Variants in RBFOX1 observed in about 807,000 individuals in gnomAD.
The protein encoded by RBFOX1 is RNA binding protein fox-1 homolog 1.
In RBFOX1, 8 loss-of-function variants were observed where a neutral mutation model predicts 57.7. The ratio of observed to expected loss-of-function variants is 0.14; its 90% CI spans 0.08 to 0.25. The LOEUF is 0.25. Among genes scored for constraint, RBFOX1 ranks in the 10% least tolerant of loss-of-function variants. The probability of loss-of-function intolerance (pLI) is 1.00; values close to 1 mark genes in which losing one functional copy is unlikely to be tolerated. For missense variants in RBFOX1, 611 were observed against 548.5 expected (o/e 1.11, Z -1.14); for synonymous variants, 326 against 222.4 (o/e 1.47, Z -4.15).
At chr16:6,664,703 G>A (rs983277876) in intron 3 of RBFOX1, among the ~76,000 whole-genome samples, 5 of 152,200 alleles carry the variant, frequency 3.3e-5, no homozygotes, top group Admixed American at 1.3e-4. Context: ...CCCACAGATA[G>A]GCAGGGATGG....
In RBFOX1 at chr16:6,829,122, C is replaced by T. The variant is rs565766170; in HGVS notation, c.-16+174472C>T. Among the ~76,000 whole-genome samples the T allele has an allele frequency of 1.2e-3, 175 of 151,976 alleles. 3 individuals carry two copies. Among genetic ancestry groups the T allele is most frequent in the Non-Finnish European group, 2.0e-3 (137 of 67,984 alleles). ...CAAGCCCACTAGTATCAGTAGAGTCCCTATAGGTAATTGTCTAATAAGTGG... is the reference window on the plus strand; with the variant it reads ...CAAGCCCACTAGTATCAGTAGAGTCTCTATAGGTAATTGTCTAATAAGTGG... On this transcript the variant is annotated intron_variant, in intron 3 of 15. Coordinates refer to ENST00000550418, the MANE Select transcript of RBFOX1 (RefSeq NM_018723.4).
intron 2 of RBFOX1, among the ~76,000 whole-genome samples, chr16:6,407,864 G>T (rs1395076279): frequency 6.6e-6 from 1 of 152,146 alleles, no homozygotes; most frequent in African/African-American, 2.4e-5. Context: ...TTTGTGAGTA[G>T]ATCCCCACTA....
chr16:5,548,677 A>C (rs536126256), intron 2 of RBFOX1, among the ~76,000 whole-genome samples: 59 of 152,288 alleles, frequency 3.9e-4, no homozygotes, highest in Non-Finnish European at 7.8e-4. Flanking sequence ...AACTAAAAAA[A>C]TTTAAAAAGG....
chr16:7,325,417 G>A (rs1297772590), intron 4 of RBFOX1, among the ~76,000 whole-genome samples: 1 of 152,184 alleles, frequency 6.6e-6, no homozygotes, highest in African/African-American at 2.4e-5. Context: ...TATGGTGCTT[G>A]CAACAAGGGA....
intron 3 of RBFOX1, among the ~76,000 whole-genome samples, chr16:6,718,390 T>C (rs930659144): frequency 6.6e-6 from 1 of 152,088 alleles, no homozygotes; most frequent in African/African-American, 2.4e-5. Flanking sequence ...AGCTGAAAAA[T>C]ATAATTACAA....
chr16:7,685,489 C>G (rs765835729), intron 14 of RBFOX1, among the ~76,000 whole-genome samples: 6 of 152,094 alleles, frequency 3.9e-5, no homozygotes, highest in Non-Finnish European at 8.8e-5. Context: ...AAAGTTCCAT[C>G]TGATTTCACT....
At chr16:5,979,736 C>A (rs2060134867) in intron 4 of RBFOX1, among the ~76,000 whole-genome samples, 1 of 152,162 alleles carries the variant, frequency 6.6e-6, no homozygotes, top group South Asian at 2.1e-4. Context: ...GTGGTGTGCA[C>A]CTGTAGTCCC....
chr16:5,620,141 G>C (rs1473442622), intron 3 of RBFOX1, among the ~76,000 whole-genome samples: 1 of 152,142 alleles, frequency 6.6e-6, no homozygotes, highest in Non-Finnish European at 1.5e-5. Context: ...ATGTTTCTGA[G>C]TAGGCTGCTG....
At chr16:5,318,008 T>G (rs2064289491) in intron 1 of RBFOX1, among the ~76,000 whole-genome samples, 1 of 152,198 alleles carries the variant, frequency 6.6e-6, no homozygotes, top group Non-Finnish European at 1.5e-5. Context: ...GGCAGGGGAA[T>G]GCAGGTGCAG....
chr16:7,298,285 GTTTTTTT>G (rs201092743), intron 4 of RBFOX1, among the ~76,000 whole-genome samples: 8 of 96,592 alleles, frequency 8.3e-5, no homozygotes, highest in African/African-American at 2.4e-4. Flanking sequence ...GTTTTTTTTT[GTTTTTTT>G]TTTTTTTTTT....
chr16:7,306,323 C>T (rs2096184412), intron 4 of RBFOX1, among the ~76,000 whole-genome samples: 2 of 152,274 alleles, frequency 1.3e-5, no homozygotes, highest in African/African-American at 2.4e-5. Context: ...CAAAGGTTCT[C>T]AGCATCTTCC....
At chr16:5,657,718 C>CT (rs2049493293) in intron 3 of RBFOX1, among the ~76,000 whole-genome samples, 1 of 109,146 alleles carries the variant, frequency 9.2e-6, no homozygotes, top group Non-Finnish European at 1.9e-5. Flanking sequence ...TTCTCTCTTT[C>CT]TTTTGTTTCT....
chr16:5,596,259 C>G (rs140037802), intron 2 of RBFOX1, among the ~76,000 whole-genome samples: 135 of 152,296 alleles, frequency 8.9e-4, no homozygotes, highest in African/African-American at 3.1e-3. Context: ...TTTCCAGGCT[C>G]TGGGATACTG....
intron 3 of RBFOX1, among the ~76,000 whole-genome samples, chr16:6,801,049 T>A (rs1342140152): frequency 6.6e-6 from 1 of 152,092 alleles, no homozygotes; most frequent in African/African-American, 2.4e-5. Context: ...AACTTGAACA[T>A]GCACAAAAAT....
intron 3 of RBFOX1, among the ~76,000 whole-genome samples, chr16:6,833,272 T>A (rs1240293041): frequency 6.6e-6 from 1 of 152,036 alleles, no homozygotes; most frequent in Non-Finnish European, 1.5e-5. Context: ...TTGAAGAGAT[T>A]CTCCTGCCTC....
chr16:5,727,989 C>G (rs1161312885), intron 3 of RBFOX1, among the ~76,000 whole-genome samples: 1 of 152,192 alleles, frequency 6.6e-6, no homozygotes, highest in African/African-American at 2.4e-5. Flanking sequence ...GCCCGGCCTC[C>G]TCTCTCTGTT....
chr16:5,790,415 T>C (rs1265167966), intron 3 of RBFOX1, among the ~76,000 whole-genome samples: 2 of 152,094 alleles, frequency 1.3e-5, no homozygotes, highest in African/African-American at 4.8e-5. Context: ...TTTGGCTTTG[T>C]TTGTGCCTCC....
At chr16:6,282,353 CTGTTTT>C (rs1467977989) in intron 1 of RBFOX1, among the ~76,000 whole-genome samples, 1 of 72,634 alleles carries the variant, frequency 1.4e-5, no homozygotes, top group African/African-American at 3.9e-5. Flanking sequence ...TGTACCTTGT[CTGTTTT>C]TTTTTTTTTT....
At chr16:7,141,693 T>G (rs930800194) in intron 4 of RBFOX1, among the ~76,000 whole-genome samples, 2 of 152,170 alleles carry the variant, frequency 1.3e-5, no homozygotes, top group Non-Finnish European at 2.9e-5. Flanking sequence ...GCTACTATAG[T>G]CTTTTGGATC....
Sources: allele counts gnomAD v4.1 joint callset (sites outside exome capture counted in the v4.1 genomes callset), GRCh38; gene constraint gnomAD v4.1.1; transcripts MANE v1.5; gene names NCBI Gene and HGNC (gene_info 2026-07-23, HGNC 2026-07-21).